Variants in ANO5 observed in about 807,000 individuals in gnomAD.
ANO5 encodes the protein anoctamin 5.
In ANO5, 109 loss-of-function variants were observed where a neutral mutation model predicts 121.0. The ratio of observed to expected loss-of-function variants is 0.90; its 90% CI spans 0.77 to 1.06. ANO5 has a LOEUF of 1.06. Among genes scored for constraint, ANO5 ranks in the 50% least tolerant of loss-of-function variants. The pLI, the probability that ANO5 is intolerant of heterozygous loss-of-function variation, is 0.00. For missense variants in ANO5, 1,064 were observed against 1,078.5 expected (o/e 0.99, Z 0.19); for synonymous variants, 406 against 359.9 (o/e 1.13, Z -1.45).
intron 20 of ANO5, 92 bp downstream of exon 20, chr11:22,274,839 G>A: frequency 1.4e-6 from 2 of 1,474,152 alleles, no homozygotes; most frequent in East Asian, 2.4e-5. Flanking sequence ...ACAATATAAA[G>A]GATTTTCTTA....
Position 22,211,302 on chromosome 11 carries a change from TGAA to T in ANO5, c.130_132del (p.Glu44del), listed in dbSNP as rs750065456. On this transcript the variant is annotated inframe_deletion, in exon 3 of 22. Coordinates refer to ENST00000324559, the MANE Select transcript of ANO5 (RefSeq NM_213599.3). ...GCAGAGAGACCAGCTTTCTCATCAA[TGAA>T]GAAACAATGGTAAGCAGCGACCAGT... 1.2e-6 allele frequency: 2 copies of T among 1,612,190 alleles called. No individual in the cohort carries two copies. The highest frequency in any genetic ancestry group is 1.7e-6 in the Non-Finnish European group (2 of 1,178,652).
At chr11:22,269,409 AAAGAG>A (rs987555613) in intron 17 of ANO5, among the ~76,000 whole-genome samples, 3 of 148,376 alleles carry the variant, frequency 2.0e-5, no homozygotes, top group Admixed American at 6.7e-5. Flanking sequence ...AAGGAGAAAA[AAAGAG>A]AAGGAAAAGA....
chr11:22,241,000 CATT>C (rs1429622261), intron 9 of ANO5, among the ~76,000 whole-genome samples: 1 of 151,794 alleles, frequency 6.6e-6, no homozygotes, highest in Non-Finnish European at 1.5e-5. Context: ...TATTGAAAAA[CATT>C]AGGCTGTCCC....
intron 18 of ANO5, among the ~76,000 whole-genome samples, chr11:22,271,307 C>A (rs954242948): frequency 3.9e-5 from 6 of 152,292 alleles, no homozygotes; most frequent in Admixed American, 3.9e-4. Context: ...CTCGGCCTCC[C>A]AAAGTGCTGG....
chr11:22,239,161 C>G (rs970993568), intron 8 of ANO5, among the ~76,000 whole-genome samples: 1 of 151,974 alleles, frequency 6.6e-6, no homozygotes, highest in East Asian at 1.9e-4. Flanking sequence ...AGCAGTATGA[C>G]TTTGGATTAG....
chr11:22,239,665 C>T lies in ANO5; in HGVS notation c.859C>T (p.Gln287Ter). 6.2e-7 allele frequency: 1 copy of T among 1,607,470 alleles called. No homozygotes were observed. Among genetic ancestry groups the T allele is most frequent in the Non-Finnish European group, 8.5e-7 (1 of 1,174,184 alleles). Residue 287 changes from glutamine to a stop codon, truncating the protein, a stop_gained, in exon 9 of 22, where the codon CAG (glutamine) becomes TAG (stop). Transcript: ENST00000324559. LOFTEE classifies it high-confidence loss of function. ...WARFSYFYKE[Q>*]PLDLIKNYYG... Reference sequence around the variant, plus strand: ...TCGATTTTCCTATTTCTACAAGGAGCAGCCTTTAGACTTGATTAAGTAAGT... The same window carrying T: ...TCGATTTTCCTATTTCTACAAGGAGTAGCCTTTAGACTTGATTAAGTAAGT...
At chr11:22,273,010 G>A in intron 19 of ANO5, 21 bp downstream of exon 19, 3 of 1,606,756 alleles carry the variant, frequency 1.9e-6, no homozygotes, top group African/African-American at 1.3e-5. Flanking sequence ...CTATTTCGGT[G>A]GGGTGACTTT....
chr11:22,231,290 T>C (rs1853032792), intron 7 of ANO5, among the ~76,000 whole-genome samples: 1 of 152,098 alleles, frequency 6.6e-6, no homozygotes, highest in South Asian at 2.1e-4. Context: ...TCATTTTATA[T>C]TATAAGCATT....
chr11:22,218,899 C>T (rs1039258335), intron 4 of ANO5, among the ~76,000 whole-genome samples: 1 of 151,984 alleles, frequency 6.6e-6, no homozygotes, highest in African/African-American at 2.4e-5. Context: ...ATAAGTACAT[C>T]CTTTACAGAG....
chr11:22,277,827 C>T (rs1422709421), intron 21 of ANO5: 1 of 151,432 alleles, frequency 6.6e-6, no homozygotes, highest in Non-Finnish European at 1.5e-5. Flanking sequence ...TTCATCTTGT[C>T]TTCTATTGAA....
chr11:22,272,771 C>G lies in ANO5; in HGVS notation c.2030-13C>G. 6.2e-7 allele frequency: 1 copy of G among 1,611,498 alleles called. No homozygotes were observed. Among genetic ancestry groups the G allele is most frequent in the Non-Finnish European group, 8.5e-7 (1 of 1,177,874 alleles). ...CACAATAATGAGTTCATGCCTTTTT[C>G]TTTTCTCTACAGTTACTCAATTTGG... On this transcript the variant is annotated splice_polypyrimidine_tract_variant and intron_variant, in intron 18 of 21. Transcript: ENST00000324559.
Position 22,255,418 on chromosome 11 carries a change from T to C in ANO5, c.1228T>C (p.Tyr410His), listed in dbSNP as rs1213299645. 2 of 1,612,562 alleles carry C rather than the reference T, an allele frequency of 1.2e-6. No homozygotes were observed. The highest frequency in any genetic ancestry group is 1.7e-6 in the Non-Finnish European group (2 of 1,178,990). Reference protein sequence around the residue: ...FWKQRQARLEYEWDLVDFEEE... With the variant: ...FWKQRQARLEHEWDLVDFEEE... ...GAAACAACGACAAGCCAGACTGGAA[T>C]ATGAATGGGACCTGGTGGACTTTGA... Residue 410 changes from tyrosine (Y) to histidine (H), a missense_variant, in exon 13 of 22, where the codon TAT (tyrosine) becomes CAT (histidine). Coordinates refer to ENST00000324559, the MANE Select transcript of ANO5 (RefSeq NM_213599.3).
At chr11:22,224,762 C>T (rs1412731346) in intron 5 of ANO5, among the ~76,000 whole-genome samples, 1 of 151,984 alleles carries the variant, frequency 6.6e-6, no homozygotes, top group Non-Finnish European at 1.5e-5. Flanking sequence ...GAAAAGTGCC[C>T]ATTGTTGGAT....
At chr11:22,275,943 T>A (rs2133799144) in intron 20 of ANO5, 151 bp from the exon 21 acceptor site, 1 of 616,126 alleles carries the variant, frequency 1.6e-6, no homozygotes, top group Admixed American at 2.8e-5. Flanking sequence ...ACAAGAAAGA[T>A]AAATGTTTCA....
intron 2 of ANO5, among the ~76,000 whole-genome samples, chr11:22,206,031 A>T (rs181687117): frequency 1.1e-3 from 175 of 152,296 alleles, no homozygotes; most frequent in African/African-American, 3.6e-3. Context: ...GAATTCTACC[A>T]AATGTTTAAA....
Position 22,250,389 on chromosome 11 carries a change from G to T in ANO5, c.1013+18G>T. ...ACAAGCAGGTAAGTGCACCTGAGTT[G>T]CCCAGATAGAGAAAACATCTTTATC... On this transcript the variant is annotated intron_variant, in intron 10 of 21. Coordinates refer to ENST00000324559, the MANE Select transcript of ANO5 (RefSeq NM_213599.3). 1 of 1,613,078 alleles carries T rather than the reference G, an allele frequency of 6.2e-7. No homozygotes were observed. Among genetic ancestry groups the T allele is most frequent in the Non-Finnish European group, 8.5e-7 (1 of 1,179,534 alleles).
At chr11:22,213,480 G>C (rs910796838) in intron 3 of ANO5, among the ~76,000 whole-genome samples, 69 of 151,482 alleles carry the variant, frequency 4.6e-4, no homozygotes, top group Admixed American at 2.0e-3. Flanking sequence ...ATATGTTTTT[G>C]GAGGAAGATA....
chr11:22,273,003 T>A lies in ANO5; in HGVS notation c.2235+14T>A. The A allele has an allele frequency of 6.2e-7, 1 of 1,611,060 alleles. No homozygotes were observed. ...GTTGCAACTAATGTAAGTGGACCTA[T>A]TTCGGTGGGGTGACTTTGTATTTCA... On this transcript the variant is annotated intron_variant, in intron 19 of 21. Transcript: ENST00000324559.
intron 11 of ANO5, 28 bp downstream of exon 11, chr11:22,250,874 A>G (rs562701861): frequency 6.2e-7 from 1 of 1,611,664 alleles, no homozygotes; most frequent in African/African-American, 1.3e-5. Flanking sequence ...CATGTTGAAA[A>G]GACTTGGAAT....
Sources: gnomAD v4.1 joint callset for allele counts (sites outside exome capture counted in the v4.1 genomes callset) on GRCh38, gnomAD v4.1.1 for gene constraint, MANE v1.5 for transcripts, NCBI Gene and HGNC (gene_info 2026-07-23, HGNC 2026-07-21) for gene names.